The following GRIA1 variants were observed in gnomAD, a reference collection of about 807,000 sequenced individuals.
GRIA1 encodes the protein glutamate ionotropic receptor AMPA type subunit 1, also known as glutamate receptor 1.
A neutral mutation model predicts 99.2 loss-of-function variants in GRIA1; 31 were observed. That is an observed-to-expected ratio of 0.31 (90% CI 0.23 to 0.42). The LOEUF is 0.42. Ranked by LOEUF, GRIA1 falls within the 10% of genes least tolerant of loss-of-function variation. The pLI is 1.00. For synonymous variants in GRIA1, 438 were observed against 432.4 expected (o/e 1.01, Z -0.16); for missense variants, 782 against 1,157.5 (o/e 0.68, Z 4.71).
intron 2 of GRIA1, among the ~76,000 whole-genome samples, chr5:153,540,568 A>C (rs1392663391): frequency 6.6e-6 from 1 of 152,146 alleles, no homozygotes; most frequent in African/African-American, 2.4e-5. Flanking sequence ...TTCATCCACC[A>C]ATTATTTTTG....
chr5:153,656,383 T>TTATATATATATATATA (rs60245651), intron 5 of GRIA1, among the ~76,000 whole-genome samples: 2,745 of 90,764 alleles, frequency 0.03, 59 homozygotes, highest in South Asian at 0.042. Context: ...ATAAGTTTGT[T>TTATATATATATATATA]TATATATATA....
At chr5:153,805,899 T>G (rs1766394890) in intron 15 of GRIA1, among the ~76,000 whole-genome samples, 1 of 152,332 alleles carries the variant, frequency 6.6e-6, no homozygotes, top group East Asian at 1.9e-4. Flanking sequence ...TTCCGTTGAT[T>G]GGTGTGACTT....
intron 2 of GRIA1, among the ~76,000 whole-genome samples, chr5:153,626,782 A>C (rs954502180): frequency 6.6e-6 from 1 of 152,156 alleles, no homozygotes; most frequent in Non-Finnish European, 1.5e-5. Context: ...CCCAGCGACT[A>C]TAGGGACTAA....
intron 15 of GRIA1, among the ~76,000 whole-genome samples, chr5:153,805,052 T>G (rs1047545252): frequency 1.3e-5 from 2 of 152,168 alleles, no homozygotes; most frequent in Non-Finnish European, 2.9e-5. Context: ...ACACCAGGCC[T>G]CTGATCCTCA....
intron 11 of GRIA1, among the ~76,000 whole-genome samples, chr5:153,729,447 A>G (rs1561808231): frequency 2.0e-5 from 3 of 152,032 alleles, no homozygotes; most frequent in African/African-American, 7.2e-5. Flanking sequence ...GTTGGTGTTA[A>G]GTAGTGCATT....
chr5:153,712,993 T>C (rs1759424974), intron 11 of GRIA1, among the ~76,000 whole-genome samples: 1 of 152,312 alleles, frequency 6.6e-6, no homozygotes, highest in African/African-American at 2.4e-5. Flanking sequence ...TTGGAAGTCA[T>C]TGAACTAGGG....
Position 153,687,287 on chromosome 5 carries a change from A to G in GRIA1, c.1134+958A>G, listed in dbSNP as rs540552929. On this transcript the variant is annotated intron_variant, in intron 8 of 15. Coordinates refer to ENST00000285900, the MANE Select transcript of GRIA1 (RefSeq NM_000827.4). ...TCAGAATGCTGGCTCTGGAATCCTCAACACTGAATCCTGGCTTCACCACTT... is the reference window on the plus strand; with the variant it reads ...TCAGAATGCTGGCTCTGGAATCCTCGACACTGAATCCTGGCTTCACCACTT... 1.2e-4 allele frequency among the ~76,000 whole-genome samples: 18 copies of G among 152,238 alleles called. No homozygotes were observed. In the South Asian group the frequency reaches 2.1e-3, roughly 18 times the overall value.
intron 2 of GRIA1, among the ~76,000 whole-genome samples, chr5:153,628,224 G>A (rs568089269): frequency 6.6e-6 from 1 of 152,308 alleles, no homozygotes; most frequent in East Asian, 1.9e-4. Flanking sequence ...TTGAAGGATT[G>A]GAATGAGAGA....
chr5:153,601,177 C>G (rs1764922598), intron 2 of GRIA1, among the ~76,000 whole-genome samples: 1 of 152,172 alleles, frequency 6.6e-6, no homozygotes, highest in Non-Finnish European at 1.5e-5. Context: ...ATTTTGCTTC[C>G]TATGTCTCCA....
intron 5 of GRIA1, among the ~76,000 whole-genome samples, chr5:153,661,686 GAATA>G (rs1253218598): frequency 2.6e-5 from 4 of 152,106 alleles, no homozygotes; most frequent in African/African-American, 7.2e-5. Flanking sequence ...ATGAATGAAT[GAATA>G]AATGAATTCC....
chr5:153,766,244 A>G (rs960611057), intron 12 of GRIA1, among the ~76,000 whole-genome samples: 19 of 152,196 alleles, frequency 1.2e-4, no homozygotes, highest in Non-Finnish European at 1.5e-5. Flanking sequence ...TTACTTGCTT[A>G]AGCTCACCCA....
At chr5:153,658,962 T>TCAAAACAAAACAAAA (rs373891752) in intron 5 of GRIA1, among the ~76,000 whole-genome samples, 3 of 149,920 alleles carry the variant, frequency 2.0e-5, no homozygotes, top group African/African-American at 7.4e-5. Context: ...AGGCAAGGAG[T>TCAAAACAAAACAAAA]CAAAACAAAA....
intron 2 of GRIA1, among the ~76,000 whole-genome samples, chr5:153,645,316 T>C (rs1009914190): frequency 2.0e-5 from 3 of 152,178 alleles, no homozygotes; most frequent in African/African-American, 7.2e-5. Flanking sequence ...ATGGGTTATA[T>C]GGTTCAGCTG....
intron 2 of GRIA1, among the ~76,000 whole-genome samples, chr5:153,600,381 G>C: frequency 1.0e-5 from 1 of 99,844 alleles, no homozygotes. Flanking sequence ...GACAGAGCGA[G>C]ACTCCATCTC....
intron 8 of GRIA1, among the ~76,000 whole-genome samples, chr5:153,694,936 G>A (rs1189913474): frequency 6.6e-6 from 1 of 151,832 alleles, no homozygotes; most frequent in African/African-American, 2.4e-5. Context: ...AAGGAAGGGA[G>A]AAAGGATGGA....
intron 2 of GRIA1, among the ~76,000 whole-genome samples, chr5:153,551,067 G>A (rs912518614): frequency 2.0e-5 from 3 of 152,126 alleles, no homozygotes; most frequent in African/African-American, 7.2e-5. Context: ...TTTTTTAAAA[G>A]CTATTATTCA....
intron 13 of GRIA1, among the ~76,000 whole-genome samples, chr5:153,775,726 C>T (rs183633800): frequency 6.9e-6 from 1 of 144,250 alleles, no homozygotes; most frequent in East Asian, 2.0e-4. Context: ...ATTATCCTAC[C>T]AATGCCATAA....
At chr5:153,714,766 C>T (rs1486852200) in intron 11 of GRIA1, among the ~76,000 whole-genome samples, 3 of 152,348 alleles carry the variant, frequency 2.0e-5, no homozygotes, top group East Asian at 3.9e-4. Context: ...ACCATCCAAC[C>T]GTGGTGAATG....
chr5:153,633,762 A>C (rs898951129), intron 2 of GRIA1, among the ~76,000 whole-genome samples: 29 of 152,234 alleles, frequency 1.9e-4, no homozygotes, highest in Non-Finnish European at 1.5e-5. Flanking sequence ...AAGAACCTGC[A>C]GCTAACTTGG....
Sources: allele counts gnomAD v4.1 joint callset (sites outside exome capture counted in the v4.1 genomes callset), GRCh38; gene constraint gnomAD v4.1.1; transcripts MANE v1.5; gene names NCBI Gene and HGNC (gene_info 2026-07-23, HGNC 2026-07-21).